The following CSMD1 variants were observed in gnomAD, a reference collection of about 807,000 sequenced individuals.
CSMD1 encodes CUB and Sushi multiple domains 1.
In CSMD1, 213 loss-of-function variants were observed where a neutral mutation model predicts 417.5. That is an observed-to-expected ratio of 0.51 (90% CI 0.46 to 0.57). CSMD1 has a LOEUF of 0.57. Among genes scored for constraint, CSMD1 ranks in the 20% least tolerant of loss-of-function variants. The pLI, the probability that CSMD1 is intolerant of heterozygous loss-of-function variation, is 0.00. For missense variants in CSMD1, 6,923 were observed against 4,529.7 expected (o/e 1.53, Z -15.17); for synonymous variants, 2,862 against 1,736.8 (o/e 1.65, Z -16.11).
intron 37 of CSMD1, among the ~76,000 whole-genome samples, chr8:3,177,238 C>A (rs560109716): frequency 6.6e-6 from 1 of 152,280 alleles, no homozygotes; most frequent in Non-Finnish European, 1.5e-5. Context: ...ACTCTGGATG[C>A]AGACGCATGG....
At chr8:3,635,390 C>A (rs934667011) in intron 7 of CSMD1, among the ~76,000 whole-genome samples, 7 of 151,940 alleles carry the variant, frequency 4.6e-5, no homozygotes, top group African/African-American at 1.7e-4. Flanking sequence ...AGGAGAATCA[C>A]TTGAACCCGG....
At chr8:3,430,342 T>C (rs1034514013) in intron 12 of CSMD1, among the ~76,000 whole-genome samples, 7 of 152,218 alleles carry the variant, frequency 4.6e-5, no homozygotes, top group Non-Finnish European at 8.8e-5. Context: ...GTATGTGTTG[T>C]ATAGATTTTA....
intron 57 of CSMD1, among the ~76,000 whole-genome samples, chr8:2,971,065 T>C (rs1804415868): frequency 6.6e-6 from 1 of 152,228 alleles, no homozygotes; most frequent in South Asian, 2.1e-4. Flanking sequence ...GAGTTAAATA[T>C]ATCAGTATGT....
chr8:3,992,297 T>G (rs1037389301), intron 5 of CSMD1, among the ~76,000 whole-genome samples: 3 of 152,160 alleles, frequency 2.0e-5, no homozygotes, highest in Admixed American at 1.3e-4. Flanking sequence ...TTTGCCTACC[T>G]GGAGTACGCA....
At chr8:4,766,309 C>G (rs1812459695) in intron 1 of CSMD1, among the ~76,000 whole-genome samples, 2 of 152,198 alleles carry the variant, frequency 1.3e-5, no homozygotes, top group South Asian at 4.2e-4. Context: ...ATTCGGTGAG[C>G]CAACTATGTA....
chr8:3,376,183 T>G (rs1331620141), intron 18 of CSMD1, among the ~76,000 whole-genome samples: 2 of 152,012 alleles, frequency 1.3e-5, no homozygotes, highest in African/African-American at 2.4e-5. Flanking sequence ...AAATACTTAT[T>G]TAATAAAAAA....
intron 1 of CSMD1, among the ~76,000 whole-genome samples, chr8:4,911,147 G>C (rs910258077): frequency 6.6e-6 from 1 of 152,226 alleles, no homozygotes; most frequent in South Asian, 2.1e-4. Context: ...CTCCAGTCTT[G>C]GGTATGTCTT....
chr8:4,052,763 T>C (rs1361358152), intron 3 of CSMD1, among the ~76,000 whole-genome samples: 2 of 151,872 alleles, frequency 1.3e-5, no homozygotes, highest in African/African-American at 2.4e-5. Context: ...TAAAAAAAAA[T>C]GGGATATCTG....
intron 61 of CSMD1, among the ~76,000 whole-genome samples, chr8:2,961,727 A>T (rs1563183460): frequency 6.6e-6 from 1 of 152,244 alleles, no homozygotes; most frequent in Non-Finnish European, 1.5e-5. Flanking sequence ...TGGGTAACCC[A>T]GTGGCACTTC....
At chr8:3,291,570 G>C (rs930926657) in intron 25 of CSMD1, among the ~76,000 whole-genome samples, 4 of 152,042 alleles carry the variant, frequency 2.6e-5, no homozygotes, top group African/African-American at 9.7e-5. Flanking sequence ...TGTATGTGTC[G>C]AGGAATTTAT....
chr8:3,019,575 C>A (rs941130230), intron 51 of CSMD1, among the ~76,000 whole-genome samples: 3 of 152,190 alleles, frequency 2.0e-5, no homozygotes, highest in African/African-American at 7.2e-5. Context: ...GCTGACTACA[C>A]AGGGCATTTG....
chr8:3,671,487 ATATATGAT>A (rs1799035598), intron 7 of CSMD1, among the ~76,000 whole-genome samples: 1 of 24,324 alleles, frequency 4.1e-5, no homozygotes, highest in East Asian at 8.7e-4. Context: ...ATATACTCAT[ATATATGAT>A]CATATATATA....
intron 5 of CSMD1, among the ~76,000 whole-genome samples, chr8:3,865,134 CTG>C (rs1244038597): frequency 2.0e-5 from 3 of 152,184 alleles, no homozygotes; most frequent in Admixed American, 6.5e-5. Flanking sequence ...ATCATTTGTT[CTG>C]TGTGTGTTCC....
chr8:4,719,173 G>A (rs937358079), intron 1 of CSMD1, among the ~76,000 whole-genome samples: 4 of 152,132 alleles, frequency 2.6e-5, no homozygotes, highest in African/African-American at 9.7e-5. Context: ...GTGAAAAAAA[G>A]ACTACACAGC....
intron 41 of CSMD1, 98 bp from the exon 42 acceptor site, chr8:3,118,685 A>C: frequency 9.4e-7 from 1 of 1,060,316 alleles, no homozygotes; most frequent in Non-Finnish European, 1.4e-6. Flanking sequence ...CTTGAGATGA[A>C]GTTGTTGGAT....
At chr8:3,852,099 A>C (rs1057476435) in intron 5 of CSMD1, among the ~76,000 whole-genome samples, 2 of 152,196 alleles carry the variant, frequency 1.3e-5, no homozygotes, top group South Asian at 4.1e-4. Context: ...GAATTCAAGA[A>C]ACAGAGGCTC....
intron 5 of CSMD1, among the ~76,000 whole-genome samples, chr8:3,968,641 G>C (rs1812857669): frequency 6.6e-6 from 1 of 152,096 alleles, no homozygotes; most frequent in South Asian, 2.1e-4. Flanking sequence ...CACAGTCTGA[G>C]GCTCTACTGT....
At chr8:4,852,477 T>G (rs1350606048) in intron 1 of CSMD1, among the ~76,000 whole-genome samples, 1 of 152,144 alleles carries the variant, frequency 6.6e-6, no homozygotes, top group Non-Finnish European at 1.5e-5. Context: ...CCTCACCAGT[T>G]GAGGCCTCAT....
chr8:3,762,774 G>C (rs10092916), intron 5 of CSMD1, among the ~76,000 whole-genome samples: 89,098 of 152,068 alleles, frequency 0.59, 26,648 homozygotes, highest in East Asian at 0.7. Context: ...GAGAGAAAGA[G>C]TTAAGCTGCT....
Sources: allele counts gnomAD v4.1 joint callset (sites outside exome capture counted in the v4.1 genomes callset), GRCh38; gene constraint gnomAD v4.1.1; transcripts MANE v1.5; gene names NCBI Gene and HGNC (gene_info 2026-07-23, HGNC 2026-07-21).